The following FHIT variants were observed in gnomAD, a reference collection of about 807,000 sequenced individuals.
FHIT encodes bis(5'-adenosyl)-triphosphatase.
Under a neutral mutation model 17.9 loss-of-function variants are expected in FHIT, and 19 were observed. The ratio of observed to expected loss-of-function variants is 1.06; its 90% confidence interval spans 0.74 to 1.56. FHIT has a LOEUF of 1.56. Among genes scored for constraint, FHIT ranks in the 40% most tolerant of loss-of-function variants. FHIT has a pLI of 0.00. For missense variants in FHIT, 248 were observed against 189.2 expected, an observed-to-expected ratio of 1.31 and a Z score of -1.82; for synonymous variants, 81 against 69.7, an observed-to-expected ratio of 1.16 and a Z score of -0.81.
chr3:61,179,267 C>T (rs187784443), intron 2 of FHIT, among the ~76,000 whole-genome samples: 4 of 152,124 alleles, frequency 2.6e-5, no homozygotes, highest in Admixed American at 2.0e-4. Context: ...CTCGGCCTCC[C>T]GAAGTGCTGG....
chr3:60,166,626 A>T (rs1229370109), intron 5 of FHIT, among the ~76,000 whole-genome samples: 3 of 152,204 alleles, frequency 2.0e-5, no homozygotes, highest in Non-Finnish European at 4.4e-5. Flanking sequence ...GATGAATCCC[A>T]GCAATCTATC....
chr3:60,879,081 G>A (rs1704830334), intron 3 of FHIT, among the ~76,000 whole-genome samples: 1 of 152,160 alleles, frequency 6.6e-6, no homozygotes, highest in Non-Finnish European at 1.5e-5. Context: ...TTCCACAATG[G>A]TTGAACTAGT....
At chr3:60,776,615 C>A (rs561343229) in intron 4 of FHIT, among the ~76,000 whole-genome samples, 1 of 152,124 alleles carries the variant, frequency 6.6e-6, no homozygotes, top group Non-Finnish European at 1.5e-5. Flanking sequence ...TGGGGACACA[C>A]GGAACTAACC....
chr3:60,528,553 C>G (rs994552389), intron 5 of FHIT, among the ~76,000 whole-genome samples: 3 of 152,064 alleles, frequency 2.0e-5, no homozygotes, highest in Non-Finnish European at 2.9e-5. Flanking sequence ...CCATTTGATA[C>G]GAAGAAAGAG....
rs555309064 is a variant in FHIT, at chr3:59,803,830, T to TA, written c.349-51510dup. 4.9e-4 allele frequency among the ~76,000 whole-genome samples: 74 copies of TA among 151,764 alleles called. 1 individual carries two copies. The highest frequency in any genetic ancestry group is 1.7e-3 in the African/African-American group (70 of 41,408). On this transcript the variant is annotated intron_variant, in intron 8 of 9. Transcript: ENST00000492590. ...AGGACATCTCAAAGAAGGGATAAAA[T>TA]AAAAAATATCAGAATTAAAGAGGCA...
At chr3:61,207,195 T>A (rs1016845980) in intron 1 of FHIT, among the ~76,000 whole-genome samples, 1 of 152,206 alleles carries the variant, frequency 6.6e-6, no homozygotes, top group Non-Finnish European at 1.5e-5. Flanking sequence ...GATAAGCTTT[T>A]TGATGTGCTG....
In FHIT at chr3:60,075,393, G is replaced by A. The variant is rs929664156; in HGVS notation, c.104-61241C>T. 2.0e-5 allele frequency among the ~76,000 whole-genome samples: 3 copies of A among 152,034 alleles called. No individual in the cohort carries two copies. The South Asian group carries it at 6.2e-4, about 32-fold the overall frequency. On this transcript the variant is annotated intron_variant, in intron 5 of 9. Coordinates refer to ENST00000492590, the MANE Select transcript of FHIT (RefSeq NM_002012.4). The stretch of plus-strand genomic sequence containing the variant: ...ACCAAGAGGCTCAAAAATATACTGT[G>A]ACCTTCAACTAGTCACTTAACAAGT...
At chr3:61,251,165 A>C (rs2040614996) in intron 1 of FHIT, 136 bp downstream of exon 1, 2 of 152,226 alleles carry the variant, frequency 1.3e-5, no homozygotes, top group African/African-American at 4.8e-5. Context: ...GCGGAAGAGT[A>C]CTCGGGACAG....
chr3:59,773,204 G>A (rs1352020), intron 8 of FHIT, among the ~76,000 whole-genome samples: 18,873 of 152,198 alleles, frequency 0.12, 1,290 homozygotes, highest in Non-Finnish European at 0.16. Context: ...CAGGCTTCGA[G>A]CAGAGCCATG....
At chr3:61,106,721 G>A (rs1423504496) in intron 2 of FHIT, among the ~76,000 whole-genome samples, 1 of 152,074 alleles carries the variant, frequency 6.6e-6, no homozygotes, top group East Asian at 1.9e-4. Flanking sequence ...GAGTGAAGTG[G>A]CGCATGTCAG....
chr3:60,680,067 A>T (rs538328835), intron 4 of FHIT, among the ~76,000 whole-genome samples: 1 of 152,204 alleles, frequency 6.6e-6, no homozygotes, highest in South Asian at 2.1e-4. Flanking sequence ...TATGTTGTGC[A>T]CATTCCCCTT....
chr3:60,986,873 TA>T lies in FHIT; in HGVS notation c.-111+55173del, dbSNP rs1458738529. Among the ~76,000 whole-genome samples, 73 of 152,310 alleles carry T rather than the reference TA, an allele frequency of 4.8e-4. 1 individual carries two copies. Among genetic ancestry groups the T allele is most frequent in the Admixed American group, 9.8e-4 (15 of 15,300 alleles). On this transcript the variant is annotated intron_variant, in intron 3 of 9. Transcript: ENST00000492590. ...TCTTACCATTCTTGTCTTGTCCATT[TA>T]AAAAATATCTCCCATAGTGCTTTAC... is the stretch of plus-strand genomic sequence containing the variant.
chr3:60,166,884 C>A (rs17062415), intron 5 of FHIT, among the ~76,000 whole-genome samples: 1 of 152,034 alleles, frequency 6.6e-6, no homozygotes, highest in Non-Finnish European at 1.5e-5. Flanking sequence ...GCAGCAAGGG[C>A]CTTCAGAAAC....
At chr3:60,325,049 C>T (rs1465857040) in intron 5 of FHIT, among the ~76,000 whole-genome samples, 2 of 151,850 alleles carry the variant, frequency 1.3e-5, no homozygotes, top group Non-Finnish European at 2.9e-5. Context: ...AATTTTCATT[C>T]TTAATATTTT....
Position 60,066,630 on chromosome 3 carries a change from ATTTTTTTTTTTTTTTTTTTTTTTT to A in FHIT, c.104-52502_104-52479del, listed in dbSNP as rs71089574. Among the ~76,000 whole-genome samples the A allele has an allele frequency of 1.4e-3, 70 of 51,428 alleles. 1 individual carries two copies. The South Asian group carries it at 0.034, about 25-fold the overall frequency. The allele number at this position is 51,428 out of a possible 152,430, so 33.7% of individuals were successfully genotyped here. ...ATAGGTTGATTTTAATCCCTGACAA[ATTTTTTTTTTTTTTTTTTTTTTTT>A]TTTTTTTTTTTTTTTTTTTTGAGAT... is the stretch of plus-strand genomic sequence containing the variant. On this transcript the variant is annotated intron_variant, in intron 5 of 9. Coordinates refer to ENST00000492590, the MANE Select transcript of FHIT (RefSeq NM_002012.4).
intron 8 of FHIT, among the ~76,000 whole-genome samples, chr3:59,775,663 G>T (rs1029210116): frequency 6.6e-6 from 1 of 152,208 alleles, no homozygotes; most frequent in Non-Finnish European, 1.5e-5. Flanking sequence ...ATGTGAGGAT[G>T]AGGGTGTTTG....
chr3:60,263,989 T>C (rs1315170681), intron 5 of FHIT, among the ~76,000 whole-genome samples: 2 of 151,890 alleles, frequency 1.3e-5, no homozygotes, highest in African/African-American at 4.8e-5. Flanking sequence ...TATTTTTCCT[T>C]TGAATCTATT....
intron 5 of FHIT, among the ~76,000 whole-genome samples, chr3:60,165,860 CTG>C (rs979576908): frequency 9.2e-5 from 14 of 152,046 alleles, no homozygotes; most frequent in African/African-American, 3.4e-4. Context: ...AATTTCAGGG[CTG>C]TGTGTGTATA....
chr3:61,090,476 C>A (rs992659766), intron 2 of FHIT, among the ~76,000 whole-genome samples: 1 of 152,174 alleles, frequency 6.6e-6, no homozygotes, highest in African/African-American at 2.4e-5. Context: ...TTTCTAGTCT[C>A]ACAGGGATTT....
Sources: allele counts gnomAD v4.1 joint callset (sites outside exome capture counted in the v4.1 genomes callset), GRCh38; gene constraint gnomAD v4.1.1; transcripts MANE v1.5; gene names NCBI Gene and HGNC (gene_info 2026-07-23, HGNC 2026-07-21).